Variants in ATG5 observed in about 807,000 individuals in gnomAD.
ATG5 encodes the protein autophagy protein 5.
In ATG5, 14 loss-of-function variants were observed where a neutral mutation model predicts 36.5. The ratio of observed to expected loss-of-function variants is 0.38; its 90% CI spans 0.25 to 0.60. The LOEUF (loss-of-function observed/expected upper bound fraction) is 0.60, where lower values mean the gene tolerates loss of function less well. Among genes scored for constraint, ATG5 ranks in the 20% least tolerant of loss-of-function variants. The pLI is 0.60. For synonymous variants in ATG5, 95 were observed against 101.5 expected (o/e 0.94, Z 0.38); for missense variants, 195 against 326.7 (o/e 0.60, Z 3.11).
chr6:106,222,414 T>C (rs576756665), intron 6 of ATG5, among the ~76,000 whole-genome samples: 2 of 152,328 alleles, frequency 1.3e-5, no homozygotes, highest in African/African-American at 4.8e-5. Flanking sequence ...AATTGATGAT[T>C]AGGAAAATAA....
intron 4 of ATG5, among the ~76,000 whole-genome samples, chr6:106,280,437 C>T (rs1237015366): frequency 6.6e-6 from 1 of 152,028 alleles, no homozygotes; most frequent in African/African-American, 2.4e-5. Flanking sequence ...GTGGCATAAA[C>T]TTATTCACTT....
chr6:106,279,377 T>TA (rs1156733658), intron 5 of ATG5, among the ~76,000 whole-genome samples: 8 of 152,290 alleles, frequency 5.3e-5, no homozygotes, highest in African/African-American at 1.4e-4. Flanking sequence ...ACCACATCCT[T>TA]AGAGTAATGG....
At chr6:106,276,774 A>T (rs183580614) in intron 5 of ATG5, among the ~76,000 whole-genome samples, 2 of 152,316 alleles carry the variant, frequency 1.3e-5, no homozygotes, top group South Asian at 4.1e-4. Flanking sequence ...CACGATCCTC[A>T]TCTTTTTCTA....
chr6:106,235,940 C>T (rs1777885563), intron 6 of ATG5, among the ~76,000 whole-genome samples: 1 of 152,158 alleles, frequency 6.6e-6, no homozygotes, highest in African/African-American at 2.4e-5. Context: ...TTGGGCATTT[C>T]CATCATGCCC....
intron 3 of ATG5, among the ~76,000 whole-genome samples, chr6:106,298,504 T>C (rs1017961260): frequency 1.3e-5 from 2 of 151,966 alleles, no homozygotes; most frequent in African/African-American, 4.8e-5. Flanking sequence ...TGAGCCAAGA[T>C]AGTGCGACTG....
intron 6 of ATG5, among the ~76,000 whole-genome samples, chr6:106,213,906 G>A (rs1776944333): frequency 6.6e-6 from 1 of 152,076 alleles, no homozygotes; most frequent in Non-Finnish European, 1.5e-5. Context: ...ATTGTGAAAC[G>A]TAGAACCAAG....
chr6:106,237,179 A>T (rs1358558478), intron 6 of ATG5, among the ~76,000 whole-genome samples: 3 of 152,226 alleles, frequency 2.0e-5, no homozygotes, highest in Non-Finnish European at 4.4e-5. Context: ...TTTGAAAGTT[A>T]ACAATGAAAT....
intron 6 of ATG5, among the ~76,000 whole-genome samples, chr6:106,212,798 C>T (rs1776907320): frequency 6.6e-6 from 1 of 152,088 alleles, no homozygotes; most frequent in South Asian, 2.1e-4. Context: ...AGCTTCATTG[C>T]TGAAATGGTG....
intron 1 of ATG5, among the ~76,000 whole-genome samples, chr6:106,325,015 C>A (rs544723348): frequency 5.9e-5 from 9 of 152,274 alleles, no homozygotes; most frequent in African/African-American, 1.9e-4. Flanking sequence ...TCCTCAAGTT[C>A]AGGATAATTT....
At chr6:106,279,270 C>G (rs1175339165) in intron 5 of ATG5, among the ~76,000 whole-genome samples, 1 of 152,192 alleles carries the variant, frequency 6.6e-6, no homozygotes, top group Non-Finnish European at 1.5e-5. Context: ...CCTGAGAAAG[C>G]AGAGGTTGGA....
At position 106,314,229 on chromosome 6, in the gene ATG5, C is replaced by T. The variant is rs556633595; in HGVS notation, c.108+1872G>A. Among the ~76,000 whole-genome samples, 3 of 152,268 alleles carry T rather than the reference C, an allele frequency of 2.0e-5. No individual in the cohort carries two copies. The South Asian group carries it at 6.2e-4, about 32-fold the overall frequency. Reference sequence around the variant, plus strand: ...TATTCTTTACATGAAATTTCTCTAACTTTAGGAAGTATGTCAAACATTAGA... The same window carrying T: ...TATTCTTTACATGAAATTTCTCTAATTTTAGGAAGTATGTCAAACATTAGA... On this transcript the variant is annotated intron_variant, in intron 2 of 7. Transcript: ENST00000369076.
chr6:106,236,514 C>T (rs1035651717), intron 6 of ATG5, among the ~76,000 whole-genome samples: 16 of 152,164 alleles, frequency 1.1e-4, no homozygotes, highest in African/African-American at 3.9e-4. Flanking sequence ...TTAGTACTGT[C>T]AACCTTTTTA....
chr6:106,300,000 T>C (rs887192595), intron 3 of ATG5, among the ~76,000 whole-genome samples: 4 of 152,212 alleles, frequency 2.6e-5, no homozygotes, highest in Non-Finnish European at 5.9e-5. Context: ...TTACTCTATA[T>C]GTAGGACAAA....
intron 3 of ATG5, among the ~76,000 whole-genome samples, chr6:106,295,337 C>G (rs1284191427): frequency 6.6e-6 from 1 of 152,032 alleles, no homozygotes; most frequent in Non-Finnish European, 1.5e-5. Flanking sequence ...AAAGTGACAC[C>G]ATATTGCTTT....
At chr6:106,261,112 T>C (rs573519778) in intron 5 of ATG5, among the ~76,000 whole-genome samples, 2 of 151,640 alleles carry the variant, frequency 1.3e-5, no homozygotes, top group East Asian at 3.9e-4. Context: ...AGTTAAAGAG[T>C]GGGAAAGAAG....
At chr6:106,215,734 A>T (rs1006432684) in intron 6 of ATG5, among the ~76,000 whole-genome samples, 7 of 152,112 alleles carry the variant, frequency 4.6e-5, no homozygotes, top group African/African-American at 1.7e-4. Context: ...CTAAAAATAC[A>T]AGCAACCAAA....
At chr6:106,226,161 G>A (rs1170996689) in intron 6 of ATG5, among the ~76,000 whole-genome samples, 1 of 152,154 alleles carries the variant, frequency 6.6e-6, no homozygotes, top group African/African-American at 2.4e-5. Context: ...AGATACTCTA[G>A]TTCTAGGCAT....
At chr6:106,312,623 TACACACAC>T (rs144983689) in intron 2 of ATG5, among the ~76,000 whole-genome samples, 3,720 of 144,508 alleles carry the variant, frequency 0.026, 132 homozygotes, top group African/African-American at 0.084. Flanking sequence ...CAAAAAAGAC[TACACACAC>T]ACACACACAC....
chr6:106,254,408 C>T (rs1299012357), intron 5 of ATG5, among the ~76,000 whole-genome samples: 4 of 152,176 alleles, frequency 2.6e-5, no homozygotes, highest in South Asian at 2.1e-4. Context: ...GAAAGTTCTA[C>T]GTACTTCAGC....
Sources: allele counts gnomAD v4.1 joint callset (sites outside exome capture counted in the v4.1 genomes callset), GRCh38; gene constraint gnomAD v4.1.1; transcripts MANE v1.5; gene names NCBI Gene and HGNC (gene_info 2026-07-23, HGNC 2026-07-21).